Variants in PRKCB observed in about 807,000 individuals in gnomAD.
PRKCB encodes the protein protein kinase C beta type.
A neutral mutation model predicts 81.5 loss-of-function variants in PRKCB; 13 were observed. The ratio of observed to expected loss-of-function variants is 0.16; its 90% confidence interval spans 0.10 to 0.25. The LOEUF (loss-of-function observed/expected upper bound fraction) is 0.25, where lower values mean the gene tolerates loss of function less well. Ranked by LOEUF, PRKCB falls within the 10% of genes least tolerant of loss-of-function variation. PRKCB has a pLI of 1.00. For synonymous variants in PRKCB, 335 were observed against 321.4 expected, an observed-to-expected ratio of 1.04 and a Z score of -0.45; for missense variants, 509 against 875.7, an observed-to-expected ratio of 0.58 and a Z score of 5.29.
chr16:24,190,917 TC>T (rs1168445729), intron 15 of PRKCB, among the ~76,000 whole-genome samples, 172 bp from the exon 16 acceptor site: 1 of 152,158 alleles, frequency 6.6e-6, no homozygotes, highest in East Asian at 1.9e-4. Flanking sequence ...TCAGGTCCTC[TC>T]CTGCAAATTC....
intron 9 of PRKCB, among the ~76,000 whole-genome samples, chr16:24,143,275 G>C (rs1223387996): frequency 6.6e-6 from 1 of 152,092 alleles, no homozygotes; most frequent in African/African-American, 2.4e-5. Context: ...TGGGATTACA[G>C]ATGTGCACCA....
chr16:24,030,937 A>T (rs979983417), intron 3 of PRKCB, among the ~76,000 whole-genome samples: 2 of 148,340 alleles, frequency 1.3e-5, no homozygotes, highest in Non-Finnish European at 3.0e-5. Context: ...AGTTGCATGC[A>T]CCTGTAGTCC....
intron 2 of PRKCB, among the ~76,000 whole-genome samples, chr16:23,935,884 G>C (rs996909018): frequency 6.6e-6 from 1 of 152,154 alleles, no homozygotes; most frequent in Non-Finnish European, 1.5e-5. Context: ...GTTAGAGGGA[G>C]GGGTGGGTTT....
At chr16:24,054,328 A>G (rs2141872525) in intron 5 of PRKCB, among the ~76,000 whole-genome samples, 1 of 152,300 alleles carries the variant, frequency 6.6e-6, no homozygotes, top group Non-Finnish European at 1.5e-5. Context: ...ATGGTAGGCA[A>G]TATCTCTTAA....
At chr16:23,847,291 C>T (rs897767109) in intron 2 of PRKCB, among the ~76,000 whole-genome samples, 4 of 152,014 alleles carry the variant, frequency 2.6e-5, no homozygotes, top group Non-Finnish European at 5.9e-5. Context: ...TCTTCATGAC[C>T]TTTGGGTGGG....
chr16:24,141,508 T>C (rs568641528), intron 9 of PRKCB, among the ~76,000 whole-genome samples: 1 of 152,330 alleles, frequency 6.6e-6, no homozygotes, highest in African/African-American at 2.4e-5. Flanking sequence ...GACCTCCTGT[T>C]TGGAATGGCT....
chr16:23,839,624 C>T (rs796812565), intron 2 of PRKCB, among the ~76,000 whole-genome samples: 30 of 112,656 alleles, frequency 2.7e-4, no homozygotes, highest in African/African-American at 8.0e-4. Flanking sequence ...TGCCTCCCCA[C>T]CAAGAGGCAG....
At chr16:23,846,629 A>T (rs1962373954) in intron 2 of PRKCB, among the ~76,000 whole-genome samples, 1 of 151,444 alleles carries the variant, frequency 6.6e-6, no homozygotes, top group Non-Finnish European at 1.5e-5. Flanking sequence ...AAAAAAAAAA[A>T]AAAGTTAGTT....
intron 5 of PRKCB, among the ~76,000 whole-genome samples, chr16:24,087,056 A>G (rs1966318475): frequency 1.3e-5 from 2 of 151,716 alleles, no homozygotes; most frequent in African/African-American, 4.8e-5. Flanking sequence ...ATGTGTGCAC[A>G]TTTTTTTTCT....
intron 2 of PRKCB, among the ~76,000 whole-genome samples, chr16:23,907,210 T>A (rs551366015): frequency 2.0e-5 from 3 of 152,330 alleles, no homozygotes; most frequent in Non-Finnish European, 4.4e-5. Context: ...CTCCAAACAT[T>A]GCCCTGGGTG....
chr16:24,008,669 C>A (rs1359969081), intron 3 of PRKCB, among the ~76,000 whole-genome samples: 1 of 152,268 alleles, frequency 6.6e-6, no homozygotes, highest in Middle Eastern at 3.4e-3. Flanking sequence ...TTTCCCCCCA[C>A]CCCCAGTGAT....
intron 16 of PRKCB, among the ~76,000 whole-genome samples, chr16:24,207,209 T>G (rs959493556): frequency 1.3e-5 from 2 of 152,262 alleles, no homozygotes; most frequent in African/African-American, 4.8e-5. Context: ...AGATGAAGCA[T>G]GTTAAAGTAG....
chr16:23,940,621 T>C (rs1964129837), intron 2 of PRKCB, among the ~76,000 whole-genome samples: 1 of 151,982 alleles, frequency 6.6e-6, no homozygotes, highest in African/African-American at 2.4e-5. Flanking sequence ...TATTTAATCA[T>C]ATATATAGAT....
intron 3 of PRKCB, among the ~76,000 whole-genome samples, chr16:23,994,321 A>C (rs1033878264): frequency 6.6e-5 from 10 of 152,230 alleles, no homozygotes; most frequent in African/African-American, 2.4e-4. Flanking sequence ...CACATCCTGC[A>C]GTTATTTCCC....
chr16:24,161,416 C>A (rs1175824558), intron 10 of PRKCB, among the ~76,000 whole-genome samples: 1 of 151,896 alleles, frequency 6.6e-6, no homozygotes, highest in Non-Finnish European at 1.5e-5. Flanking sequence ...ATAAACAAAT[C>A]AAAATATTGA....
At chr16:24,131,937 C>T (rs1298511517) in intron 9 of PRKCB, among the ~76,000 whole-genome samples, 4 of 152,148 alleles carry the variant, frequency 2.6e-5, no homozygotes, top group Non-Finnish European at 4.4e-5. Flanking sequence ...AATTCGTGTG[C>T]GTACCTGGAA....
chr16:24,196,794 A>T (rs1967886572), intron 16 of PRKCB, among the ~76,000 whole-genome samples: 1 of 152,180 alleles, frequency 6.6e-6, no homozygotes, highest in Admixed American at 6.5e-5. Context: ...CTGTGAGTTG[A>T]TTGGCAGAAC....
At chr16:24,104,744 C>T (rs895456709) in intron 7 of PRKCB, among the ~76,000 whole-genome samples, 1 of 152,048 alleles carries the variant, frequency 6.6e-6, no homozygotes, top group African/African-American at 2.4e-5. Context: ...CAGGAGTGCA[C>T]CCGGCAAGTT....
rs1962461148 is a variant in PRKCB at position 23,850,873 on chromosome 16, T to A, written c.205+13467T>A. 1.3e-5 allele frequency among the ~76,000 whole-genome samples: 2 copies of A among 152,216 alleles called. 1 individual carries two copies. Among genetic ancestry groups the A allele is most frequent in the South Asian group, 4.1e-4 (2 of 4,834 alleles). Reference sequence around the variant, plus strand: ...TAATTTGCATTTCCCTAGTGCTTAGTGTGCTGAACATTTTTTCAAGTACCT... The same window carrying A: ...TAATTTGCATTTCCCTAGTGCTTAGAGTGCTGAACATTTTTTCAAGTACCT... On this transcript the variant is annotated intron_variant, in intron 2 of 16. Coordinates refer to ENST00000643927, the MANE Select transcript of PRKCB (RefSeq NM_002738.7).
Sources: allele counts gnomAD v4.1 joint callset (sites outside exome capture counted in the v4.1 genomes callset), GRCh38; gene constraint gnomAD v4.1.1; transcripts MANE v1.5; gene names NCBI Gene and HGNC (gene_info 2026-07-23, HGNC 2026-07-21).